The following KCNIP1 variants were observed in gnomAD, a reference collection of about 807,000 sequenced individuals.
KCNIP1 encodes the protein A-type potassium channel modulatory protein KCNIP1.
KCNIP1 carries 18 observed loss-of-function variants against 33.0 expected under a neutral mutation model. That is an observed-to-expected ratio of 0.55 (90% confidence interval 0.38 to 0.81). The LOEUF (loss-of-function observed/expected upper bound fraction) is 0.81. KCNIP1 is among the 30% of genes least tolerant of loss of function. KCNIP1 has a pLI of 0.00. For synonymous variants in KCNIP1, 93 were observed against 98.3 expected, an observed-to-expected ratio of 0.95 and a Z score of 0.32; for missense variants, 238 against 271.6, an observed-to-expected ratio of 0.88 and a Z score of 0.87.
chr5:170,554,133 A>G (rs1165271709), intron 1 of KCNIP1, among the ~76,000 whole-genome samples: 1 of 146,236 alleles, frequency 6.8e-6, no homozygotes, highest in African/African-American at 2.6e-5. Context: ...TGCCATGCAA[A>G]GTTTTTTTTT....
intron 1 of KCNIP1, among the ~76,000 whole-genome samples, chr5:170,366,463 G>A (rs1263996110): frequency 1.3e-5 from 2 of 152,228 alleles, no homozygotes; most frequent in Non-Finnish European, 2.9e-5. Context: ...AGCATCTGCT[G>A]TGCCTGCTGG....
chr5:170,586,007 T>G (rs1244939972), intron 1 of KCNIP1, among the ~76,000 whole-genome samples: 1 of 152,156 alleles, frequency 6.6e-6, no homozygotes, highest in African/African-American at 2.4e-5. Context: ...TAGATGTATC[T>G]GCTTCCAAGT....
At chr5:170,498,030 G>T (rs1450652496) in intron 1 of KCNIP1, among the ~76,000 whole-genome samples, 3 of 152,254 alleles carry the variant, frequency 2.0e-5, no homozygotes, top group Non-Finnish European at 4.4e-5. Context: ...GATCAACCGG[G>T]ACAGATGAGG....
chr5:170,697,306 T>A (rs1337288047), intron 1 of KCNIP1, among the ~76,000 whole-genome samples: 1 of 152,290 alleles, frequency 6.6e-6, no homozygotes, highest in African/African-American at 2.4e-5. Flanking sequence ...TTAGGTTAAG[T>A]CCCTCATGCA....
chr5:170,365,038 T>C (rs1449188868), intron 1 of KCNIP1, among the ~76,000 whole-genome samples: 1 of 152,208 alleles, frequency 6.6e-6, no homozygotes, highest in Non-Finnish European at 1.5e-5. Flanking sequence ...ATCTCCGTTA[T>C]TCATTTGTTT....
intron 1 of KCNIP1, chr5:170,483,126 C>A: frequency 2.2e-6 from 1 of 447,932 alleles, no homozygotes; most frequent in Non-Finnish European, 4.5e-6. Flanking sequence ...TGTGCACCTG[C>A]AGGCTGTGGA....
At chr5:170,698,122 T>C (rs908603093) in intron 1 of KCNIP1, among the ~76,000 whole-genome samples, 1 of 152,118 alleles carries the variant, frequency 6.6e-6, no homozygotes, top group South Asian at 2.1e-4. Flanking sequence ...CTCCAGGACC[T>C]AGAAGAGGGG....
chr5:170,685,295 T>C (rs908815437), intron 1 of KCNIP1, among the ~76,000 whole-genome samples: 1 of 151,250 alleles, frequency 6.6e-6, no homozygotes, highest in Non-Finnish European at 1.5e-5. Context: ...CCAACCACCC[T>C]TCCATTTAGC....
chr5:170,648,941 C>T, intron 1 of KCNIP1, among the ~76,000 whole-genome samples: 1 of 152,126 alleles, frequency 6.6e-6, no homozygotes, highest in Non-Finnish European at 1.5e-5. Flanking sequence ...GTTTATTAAT[C>T]AACAAAGAAC....
At chr5:170,376,391 C>G (rs928022549) in intron 1 of KCNIP1, 2 of 151,886 alleles carry the variant, frequency 1.3e-5, no homozygotes, top group Non-Finnish European at 2.9e-5. Context: ...TCTCGATCTC[C>G]TGACCTCGTG....
intron 1 of KCNIP1, among the ~76,000 whole-genome samples, chr5:170,458,461 A>G (rs556769581): frequency 6.6e-6 from 1 of 150,534 alleles, no homozygotes; most frequent in Non-Finnish European, 1.5e-5. Flanking sequence ...GCACCAGGTA[A>G]TCTATAAAGG....
At chr5:170,729,897 G>A (rs1764136820) in intron 5 of KCNIP1, among the ~76,000 whole-genome samples, 1 of 152,012 alleles carries the variant, frequency 6.6e-6, no homozygotes, top group Admixed American at 6.6e-5. Context: ...ATAAAGAATA[G>A]ACACAAAGAC....
At chr5:170,393,414 C>G (rs1754667057) in intron 1 of KCNIP1, among the ~76,000 whole-genome samples, 1 of 152,202 alleles carries the variant, frequency 6.6e-6, no homozygotes, top group Admixed American at 6.5e-5. Flanking sequence ...GGGTGTTAGT[C>G]ACTCTCAGTC....
intron 1 of KCNIP1, among the ~76,000 whole-genome samples, chr5:170,522,142 G>C (rs961886938): frequency 1.3e-5 from 2 of 152,212 alleles, no homozygotes; most frequent in Non-Finnish European, 2.9e-5. Context: ...GGTACTATGT[G>C]GTCATCTTGG....
At chr5:170,458,247 G>A (rs1379555393) in intron 1 of KCNIP1, among the ~76,000 whole-genome samples, 1 of 152,140 alleles carries the variant, frequency 6.6e-6, no homozygotes, top group African/African-American at 2.4e-5. Flanking sequence ...AGGAAGAAGA[G>A]AAATCTAAAA....
At chr5:170,615,534 G>C (rs139661719) in intron 1 of KCNIP1, among the ~76,000 whole-genome samples, 2 of 152,212 alleles carry the variant, frequency 1.3e-5, no homozygotes, top group East Asian at 3.9e-4. Flanking sequence ...GCTCATCACC[G>C]TCACAATCCC....
chr5:170,709,440 T>C (rs1763370802), intron 1 of KCNIP1, among the ~76,000 whole-genome samples: 1 of 152,248 alleles, frequency 6.6e-6, no homozygotes, highest in Admixed American at 6.5e-5. Context: ...CTACTTTAGC[T>C]GATGTAAACA....
chr5:170,547,981 C>G (rs1380855649), intron 1 of KCNIP1, among the ~76,000 whole-genome samples: 1 of 152,212 alleles, frequency 6.6e-6, no homozygotes, highest in Non-Finnish European at 1.5e-5. Context: ...AATTTACACT[C>G]CCACCAACAG....
chr5:170,411,698 G>A (rs1755193903), intron 1 of KCNIP1, among the ~76,000 whole-genome samples: 1 of 152,112 alleles, frequency 6.6e-6, no homozygotes, highest in Non-Finnish European at 1.5e-5. Context: ...AATCTTCTAG[G>A]TGCAGAGAGG....
Sources: allele counts gnomAD v4.1 joint callset (sites outside exome capture counted in the v4.1 genomes callset), GRCh38; gene constraint gnomAD v4.1.1; transcripts MANE v1.5; gene names NCBI Gene and HGNC (gene_info 2026-07-23, HGNC 2026-07-21).